DPYD: variants seen among roughly 807,000 people sequenced by gnomAD.
DPYD encodes dihydropyrimidine dehydrogenase.
DPYD carries 109 observed loss-of-function variants against 116.2 expected under a neutral mutation model. The observed-to-expected ratio is 0.94, with a 90% CI of 0.80 to 1.10. The LOEUF (loss-of-function observed/expected upper bound fraction) is 1.10, where lower values mean the gene tolerates loss of function less well. Ranked by LOEUF, DPYD falls within the 50% of genes least tolerant of loss-of-function variation. The pLI, the probability that DPYD is intolerant of heterozygous loss-of-function variation, is 0.00. For missense variants in DPYD, 1,302 were observed against 1,254.5 expected (o/e 1.04, Z -0.57); for synonymous variants, 440 against 432.0 (o/e 1.02, Z -0.23).
intron 20 of DPYD, among the ~76,000 whole-genome samples, chr1:97,121,981 A>G (rs1652476256): frequency 6.6e-6 from 1 of 152,178 alleles, no homozygotes; most frequent in African/African-American, 2.4e-5. Context: ...AGAGCAGGGC[A>G]TGGAATGTAT....
At chr1:97,082,879 G>A (rs1478926626) in intron 21 of DPYD, among the ~76,000 whole-genome samples, 1 of 152,088 alleles carries the variant, frequency 6.6e-6, no homozygotes, top group East Asian at 1.9e-4. Flanking sequence ...AGTTTAGATT[G>A]CTCATAATGA....
At chr1:97,425,240 AT>A (rs1182937700) in intron 14 of DPYD, among the ~76,000 whole-genome samples, 3 of 152,102 alleles carry the variant, frequency 2.0e-5, no homozygotes, top group African/African-American at 7.2e-5. Context: ...CAAATAAAAA[AT>A]ATCTGCCATA....
chr1:97,679,882 T>G (rs1055834873), intron 7 of DPYD, among the ~76,000 whole-genome samples: 1 of 152,128 alleles, frequency 6.6e-6, no homozygotes, highest in East Asian at 1.9e-4. Flanking sequence ...AAGTAAGTAC[T>G]GTGATTCCCC....
rs1236126028 is a variant in DPYD, at chr1:97,195,522, GAGA to G, written c.2443-2277_2443-2275del. On this transcript the variant is annotated intron_variant, in intron 19 of 22. Transcript: ENST00000370192. ...TCCAGAATGGGGAATGGGATAAGGA[GAGA>G]GAGAGAGAGAGAGAGAGAGAGAGAG... Among the ~76,000 whole-genome samples the G allele has an allele frequency of 1.4e-3, 12 of 8,660 alleles. No individual in the cohort carries two copies. In the South Asian group the frequency reaches 0.042, roughly 30 times the overall value. 5.7% of individuals were successfully genotyped at this position (8,660 alleles called of 152,430 possible).
intron 11 of DPYD, among the ~76,000 whole-genome samples, chr1:97,571,255 A>G (rs911509620): frequency 6.6e-6 from 1 of 152,028 alleles, no homozygotes; most frequent in Non-Finnish European, 1.5e-5. Flanking sequence ...AAGGTAATAG[A>G]GTGTCACAAA....
intron 16 of DPYD, among the ~76,000 whole-genome samples, chr1:97,348,602 C>T (rs1296560034): frequency 6.6e-6 from 1 of 152,144 alleles, no homozygotes; most frequent in Non-Finnish European, 1.5e-5. Flanking sequence ...AACAGTGGCA[C>T]AGCTTGAGTA....
intron 16 of DPYD, among the ~76,000 whole-genome samples, chr1:97,362,064 C>T (rs1402533942): frequency 6.6e-6 from 1 of 152,220 alleles, no homozygotes; most frequent in African/African-American, 2.4e-5. Flanking sequence ...CCCATAGTCT[C>T]AGCCCAAAAT....
intron 16 of DPYD, among the ~76,000 whole-genome samples, chr1:97,355,046 G>T (rs538357865): frequency 6.6e-6 from 1 of 152,138 alleles, no homozygotes; most frequent in East Asian, 1.9e-4. Flanking sequence ...AATAAAATCA[G>T]TTTCTAATCA....
At chr1:97,237,091 A>C (rs1661985837) in intron 18 of DPYD, among the ~76,000 whole-genome samples, 1 of 151,798 alleles carries the variant, frequency 6.6e-6, no homozygotes, top group Non-Finnish European at 1.5e-5. Context: ...AAATACAAAA[A>C]TTATCTGGAC....
chr1:97,324,384 T>C (rs1668603900), intron 16 of DPYD, among the ~76,000 whole-genome samples: 1 of 152,042 alleles, frequency 6.6e-6, no homozygotes, highest in Non-Finnish European at 1.5e-5. Flanking sequence ...TTTTATTTAG[T>C]CTCCAAGTGG....
intron 8 of DPYD, among the ~76,000 whole-genome samples, chr1:97,601,858 C>T (rs1347155398): frequency 6.6e-6 from 1 of 151,968 alleles, no homozygotes; most frequent in African/African-American, 2.4e-5. Context: ...CAATATAACA[C>T]ATATGAAATT....
intron 21 of DPYD, among the ~76,000 whole-genome samples, chr1:97,096,527 G>A (rs1338789094): frequency 6.6e-6 from 1 of 152,104 alleles, no homozygotes; most frequent in Non-Finnish European, 1.5e-5. Context: ...AGTGGGACTT[G>A]GAGAACTTTT....
At chr1:97,772,117 C>G (rs1005222715) in intron 3 of DPYD, among the ~76,000 whole-genome samples, 1 of 152,056 alleles carries the variant, frequency 6.6e-6, no homozygotes, top group Non-Finnish European at 1.5e-5. Flanking sequence ...ATTTTTTTAT[C>G]TCTTTAAACT....
intron 14 of DPYD, among the ~76,000 whole-genome samples, chr1:97,438,142 T>C (rs909517171): frequency 1.3e-5 from 2 of 152,054 alleles, no homozygotes; most frequent in Non-Finnish European, 2.9e-5. Context: ...AATTTTAACA[T>C]AGCTCGGTAT....
Position 97,640,246 on chromosome 1 carries a change from T to G in DPYD, c.850+38849A>C, listed in dbSNP as rs1373095621. Among the ~76,000 whole-genome samples the G allele has an allele frequency of 1.3e-5, 2 of 152,270 alleles. 1 individual carries two copies. The highest frequency in any genetic ancestry group is 3.9e-4 in the East Asian group (2 of 5,188). On this transcript the variant is annotated intron_variant, in intron 8 of 22. Transcript: ENST00000370192. ...ATCCAATTGTTGCATTTAAGATTTT[T>G]TTTTATTATTGCTTCCAGCTTCTTG...
chr1:97,837,716 T>C (rs561186033), intron 2 of DPYD, among the ~76,000 whole-genome samples: 2 of 152,230 alleles, frequency 1.3e-5, no homozygotes, highest in Admixed American at 1.3e-4. Flanking sequence ...TAGCAATAAA[T>C]AGATCAATAT....
intron 18 of DPYD, 87 bp downstream of exon 18, chr1:97,305,172 T>C: frequency 6.9e-6 from 11 of 1,599,726 alleles, no homozygotes; most frequent in South Asian, 1.1e-5. Context: ...TTTGGGATCA[T>C]AAAGGGCACA....
intron 3 of DPYD, among the ~76,000 whole-genome samples, chr1:97,798,377 T>A (rs1435064869): frequency 6.6e-6 from 1 of 151,866 alleles, no homozygotes; most frequent in Non-Finnish European, 1.5e-5. Flanking sequence ...TTCAAAGAAT[T>A]CCCTGTGACA....
intron 14 of DPYD, among the ~76,000 whole-genome samples, chr1:97,388,247 A>G (rs536688411): frequency 6.6e-6 from 1 of 152,246 alleles, no homozygotes; most frequent in Admixed American, 6.5e-5. Context: ...GAAGAGGTCC[A>G]ATTTTAATAT....
Sources: allele counts gnomAD v4.1 joint callset (sites outside exome capture counted in the v4.1 genomes callset), GRCh38; gene constraint gnomAD v4.1.1; transcripts MANE v1.5; gene names NCBI Gene and HGNC (gene_info 2026-07-23, HGNC 2026-07-21).